USP34: variants seen among roughly 807,000 people sequenced by gnomAD.
USP34 encodes ubiquitin specific peptidase 34.
Under a neutral mutation model 460.3 loss-of-function variants are expected in USP34, and 70 were observed. The ratio of observed to expected loss-of-function variants is 0.15; its 90% CI spans 0.13 to 0.19. USP34 has a LOEUF of 0.19. USP34 is among the 10% of genes least tolerant of loss of function. USP34 has a pLI of 1.00. For synonymous variants in USP34, 1,647 were observed against 1,405.3 expected, an observed-to-expected ratio of 1.17 and a Z score of -3.85; for missense variants, 3,985 against 4,236.2, an observed-to-expected ratio of 0.94 and a Z score of 1.65.
intron 48 of USP34, among the ~76,000 whole-genome samples, chr2:61,251,672 G>A (rs1352692147): frequency 2.0e-5 from 3 of 151,976 alleles, no homozygotes; most frequent in African/African-American, 7.3e-5. Flanking sequence ...CAACTTTTGT[G>A]TGCTCTTAAA....
At chr2:61,302,032 C>G (rs189441383) in intron 27 of USP34, among the ~76,000 whole-genome samples, 1 of 152,172 alleles carries the variant, frequency 6.6e-6, no homozygotes, top group African/African-American at 2.4e-5. Context: ...TGACAAATTC[C>G]CAGTTCCACA....
Position 61,348,251 on chromosome 2 carries a change from T to C in USP34, c.1904A>G (p.Lys635Arg). ...EDDDHGHNPPKSSCGTDLRNR... is the reference protein window; with the variant it reads ...EDDDHGHNPPRSSCGTDLRNR... Reference sequence around the variant, plus strand: ...CCGAAGATCTGTACCACAACTGCTTTTGGGAGGATTATGACCATGATCATC... The same window carrying C: ...CCGAAGATCTGTACCACAACTGCTTCTGGGAGGATTATGACCATGATCATC... The change falls in exon 15 of 80, where the codon AAA becomes AGA. Residue 635 changes from lysine (K) to arginine (R), a missense_variant. By Grantham distance (26) the Lys-to-Arg change is conservative. Around this residue, in one of 14 missense-constraint regions of USP34, gnomAD observed 716 missense variants for 626.2 expected, o/e 1.14. Coordinates refer to ENST00000398571, the MANE Select transcript of USP34 (RefSeq NM_014709.4). 1 of 1,614,210 alleles carries C rather than the reference T, an allele frequency of 6.2e-7. No homozygotes were observed. Among genetic ancestry groups the C allele is most frequent in the Non-Finnish European group, 8.5e-7 (1 of 1,180,020 alleles).
chr2:61,239,824 C>T (rs531677319), intron 53 of USP34, among the ~76,000 whole-genome samples: 5 of 152,074 alleles, frequency 3.3e-5, no homozygotes, highest in Non-Finnish European at 7.4e-5. Context: ...CTGGCTAACA[C>T]AGTGAAACCC....
chr2:61,195,040 T>C (rs986037478), intron 75 of USP34, among the ~76,000 whole-genome samples: 2 of 150,334 alleles, frequency 1.3e-5, no homozygotes, highest in African/African-American at 2.5e-5. Context: ...AGGAGAATAA[T>C]GAAACCCCGT....
intron 64 of USP34, 50 bp downstream of exon 64, chr2:61,223,010 T>A (rs1211260203): frequency 1.3e-6 from 2 of 1,506,724 alleles, no homozygotes; most frequent in Non-Finnish European, 1.8e-6. Flanking sequence ...TTTCAGGGTA[T>A]TCTTTTTTAA....
chr2:61,213,976 T>G, intron 68 of USP34, 84 bp downstream of exon 68: 1 of 1,512,368 alleles, frequency 6.6e-7, no homozygotes, highest in Non-Finnish European at 9.0e-7. Context: ...TATTCTATAT[T>G]CTGCCACCAC....
At chr2:61,401,483 T>C (rs1429584056) in intron 3 of USP34, among the ~76,000 whole-genome samples, 1 of 151,560 alleles carries the variant, frequency 6.6e-6, no homozygotes. Flanking sequence ...AGTGGTCCTC[T>C]TGTCTTGGCT....
chr2:61,388,456 T>TAAA (rs34286687), intron 5 of USP34, among the ~76,000 whole-genome samples: 1 of 129,586 alleles, frequency 7.7e-6, no homozygotes, highest in Non-Finnish European at 1.6e-5. Context: ...CAGGGGAGTT[T>TAAA]AAAAAAAAAA....
Position 61,314,609 on chromosome 2 carries a change from G to A in USP34, c.3518C>T (p.Thr1173Ile). 6.4e-7 allele frequency: 1 copy of A among 1,552,888 alleles called. No individual in the cohort carries two copies. ...VIERGLLMLK[T>I]HLEAFRRRFA... is the part of the protein sequence containing the mutation. ...CCTTCTCCTAAACGCTTCCAGATGT[G>A]TCTTCAGCATAAGGAGTCCTCTTTC... is the stretch of plus-strand genomic sequence containing the variant. Residue 1173 changes from threonine to isoleucine, a missense_variant, in exon 25 of 80, where the codon ACA becomes ATA. Coordinates refer to ENST00000398571, the MANE Select transcript of USP34 (RefSeq NM_014709.4).
At chr2:61,254,075 C>T (rs2103889186) in intron 48 of USP34, among the ~76,000 whole-genome samples, 1 of 152,322 alleles carries the variant, frequency 6.6e-6, no homozygotes, top group East Asian at 1.9e-4. Flanking sequence ...TGCTTGATTC[C>T]ATGTGTCCCG....
chr2:61,237,036 T>C (rs917230493), intron 53 of USP34, among the ~76,000 whole-genome samples: 3 of 152,218 alleles, frequency 2.0e-5, no homozygotes, highest in Non-Finnish European at 4.4e-5. Flanking sequence ...CCCAACTTTA[T>C]CTTTAATCTT....
chr2:61,216,514 G>A (rs1356811721), intron 67 of USP34, among the ~76,000 whole-genome samples: 1 of 151,426 alleles, frequency 6.6e-6, no homozygotes, highest in Admixed American at 6.6e-5. Flanking sequence ...GCAGGAGAAT[G>A]GTGTGAACCC....
chr2:61,211,407 T>G (rs562399008), intron 69 of USP34, among the ~76,000 whole-genome samples: 8 of 152,324 alleles, frequency 5.3e-5, no homozygotes, highest in African/African-American at 1.9e-4. Context: ...TAGATATATT[T>G]GGGCTAAACA....
rs561549480 is a variant in USP34 at position 61,329,173 on chromosome 2, C to G, written c.2930+2103G>C. Among the ~76,000 whole-genome samples the G allele has an allele frequency of 1.4e-4, 22 of 152,162 alleles. No individual in the cohort carries two copies. The South Asian group carries it at 4.1e-3, about 29-fold the overall frequency. On this transcript the variant is annotated intron_variant, in intron 20 of 79. Transcript: ENST00000398571. ...AGTAGCTGAGATTACAGGCATGCGC[C>G]ACCACGCCTGCCTTTTTTTTTTTTG...
intron 53 of USP34, among the ~76,000 whole-genome samples, chr2:61,241,220 T>C (rs757860820): frequency 5.3e-5 from 8 of 152,070 alleles, no homozygotes; most frequent in Non-Finnish European, 7.4e-5. Flanking sequence ...CTTTTTGTAT[T>C]TTTTAGGAGA....
intron 8 of USP34, among the ~76,000 whole-genome samples, chr2:61,373,534 A>T (rs777908144): frequency 2.0e-5 from 3 of 152,206 alleles, no homozygotes; most frequent in Non-Finnish European, 4.4e-5. Flanking sequence ...TAAGCCAAAA[A>T]ATGTCTGAAA....
At chr2:61,229,107 T>C (rs1226532539) in intron 59 of USP34, 112 bp from the exon 60 acceptor site, 1 of 768,294 alleles carries the variant, frequency 1.3e-6, no homozygotes, top group Admixed American at 3.4e-5. Context: ...ATAATGAATA[T>C]GAACCGCAAT....
intron 48 of USP34, among the ~76,000 whole-genome samples, chr2:61,255,387 C>A (rs1422691768): frequency 1.3e-5 from 2 of 152,182 alleles, no homozygotes; most frequent in African/African-American, 4.8e-5. Flanking sequence ...AGCCAACTGC[C>A]TGCAGGACCT....
Position 61,301,413 on chromosome 2 carries a change from C to T in USP34, c.3859G>A (p.Glu1287Lys). 6.2e-7 allele frequency: 1 copy of T among 1,614,002 alleles called. No individual in the cohort carries two copies. Among genetic ancestry groups the T allele is most frequent in the Non-Finnish European group, 8.5e-7 (1 of 1,179,988 alleles). Residue 1287 changes from glutamate (E) to lysine (K), a missense_variant, in exon 28 of 80, where the codon GAG (glutamate) becomes AAG (lysine). Around this residue, in one of 14 missense-constraint regions of USP34, gnomAD observed 1,114 missense variants for 1,122.5 expected, o/e 0.99. Transcript: ENST00000398571. ...TTTTCATCATAATCTGTTGTTAACT[C>T]GTGTCCAGATGAAATCATCCTGACA... The part of the protein sequence containing the change: ...GPVRMISSGH[E>K]LTTDYDEKAL...
Sources: gnomAD v4.1 joint callset for allele counts (sites outside exome capture counted in the v4.1 genomes callset) on GRCh38, gnomAD v4.1.1 for gene constraint, gnomAD v4.1.1 regional missense constraint, MANE v1.5 for transcripts, NCBI Gene and HGNC (gene_info 2026-07-23, HGNC 2026-07-21) for gene names.